Variants in PLIN3 observed in about 807,000 individuals in gnomAD.
The protein encoded by PLIN3 is perilipin 3.
In PLIN3, 30 loss-of-function variants were observed where a neutral mutation model predicts 35.9. The ratio of observed to expected loss-of-function variants is 0.84; its 90% CI spans 0.62 to 1.13. PLIN3 has a LOEUF of 1.13. Ranked by LOEUF, PLIN3 falls within the 50% of genes most tolerant of loss-of-function variation. The probability of loss-of-function intolerance (pLI) is 0.00; values close to 1 mark genes in which losing one functional copy is unlikely to be tolerated. For synonymous variants in PLIN3, 261 were observed against 262.5 expected, an observed-to-expected ratio of 0.99 and a Z score of 0.06; for missense variants, 603 against 596.9, an observed-to-expected ratio of 1.01 and a Z score of -0.11.
intron 6 of PLIN3, among the ~76,000 whole-genome samples, chr19:4,846,342 T>C: frequency 7.8e-6 from 1 of 127,604 alleles, no homozygotes; most frequent in African/African-American, 2.9e-5. Flanking sequence ...AAAATCGTCA[T>C]AAAGGTAAAT....
rs552950365 is a variant in PLIN3 at position 4,858,674 on chromosome 19, GC to G, written c.348+915del. ...TGGGATTACAGGCATGAGCCACCGC[GC>G]CTGGCCAGAATATGGTGTTTTTTTG... On this transcript the variant is annotated intron_variant, in intron 4 of 7. Transcript: ENST00000221957. Among the ~76,000 whole-genome samples, 1,201 of 145,916 alleles carry G rather than the reference GC, an allele frequency of 8.2e-3. 18 individuals carry two copies. The highest frequency in any genetic ancestry group is 0.028 in the African/African-American group (1,099 of 39,496).
chr19:4,856,424 G>A (rs1341032350), intron 4 of PLIN3, among the ~76,000 whole-genome samples: 3 of 152,014 alleles, frequency 2.0e-5, no homozygotes, highest in Non-Finnish European at 4.4e-5. Context: ...CAGGCATGGT[G>A]GTGCATGCCT....
In PLIN3 at chr19:4,844,650, C is replaced by G. The variant is rs779885481; in HGVS notation, c.960+18G>C. 3.3e-6 allele frequency: 5 copies of G among 1,511,690 alleles called. No individual in the cohort carries two copies. Among genetic ancestry groups the G allele is most frequent in the Non-Finnish European group, 4.4e-6 (5 of 1,128,736 alleles). The allele number at this position is 1,511,690 out of a possible 1,614,324, so 93.6% of individuals were successfully genotyped here. On this transcript the variant is annotated intron_variant, in intron 7 of 7. Transcript: ENST00000221957. ...ACTCCAAGTACCCTAGGCCACCCCC[C>G]AGTCCCCTCATGGGTACCTCTGGCT...
chr19:4,862,407 T>C (rs2030706780), intron 1 of PLIN3, among the ~76,000 whole-genome samples: 1 of 152,038 alleles, frequency 6.6e-6, no homozygotes, highest in Admixed American at 6.6e-5. Flanking sequence ...GCTGGGATTA[T>C]AGGTGTGAGC....
In PLIN3 at chr19:4,838,960, C is replaced by G. The variant is rs1599153878; in HGVS notation, c.*232G>C. 1 of 404,496 alleles carries G rather than the reference C, an allele frequency of 2.5e-6. No homozygotes were observed. 25.1% of individuals were successfully genotyped at this position (404,496 alleles called of 1,614,324 possible). A position where few individuals can be genotyped will look rare whatever the true frequency, so the allele number is the denominator to read the frequency against. ...AAAGATATTTTTTCTGGACATCTCT[C>G]TCTACTGACTGATAGGGTGAGGCTC... On this transcript the variant is annotated 3_prime_UTR_variant, in exon 8 of 8. Coordinates refer to ENST00000221957, the MANE Select transcript of PLIN3 (RefSeq NM_005817.5).
chr19:4,852,939 C>T (rs999446129), intron 4 of PLIN3, among the ~76,000 whole-genome samples: 6 of 151,964 alleles, frequency 3.9e-5, no homozygotes, highest in Non-Finnish European at 7.4e-5. Context: ...CTCAGCCTCC[C>T]GAGTAGCTGG....
chr19:4,847,898 GA>G lies in PLIN3; in HGVS notation c.635-9del, dbSNP rs1319488880. 1.5e-5 allele frequency: 24 copies of G among 1,609,186 alleles called. No homozygotes were observed. The highest frequency in any genetic ancestry group is 2.0e-5 in the Non-Finnish European group (24 of 1,176,972). ...GGGATGTGGCGATGCGGGCTGCAAG[GA>G]AAAGGAGAAGGGTCTCTGTGAAGAC... On this transcript the variant is annotated splice_polypyrimidine_tract_variant and intron_variant, in intron 5 of 7. Transcript: ENST00000221957.
intron 1 of PLIN3, among the ~76,000 whole-genome samples, chr19:4,865,291 C>T (rs1310727422): frequency 6.6e-6 from 1 of 151,836 alleles, no homozygotes; most frequent in Non-Finnish European, 1.5e-5. Context: ...GAGTTTGAGA[C>T]CAGCCTGACC....
chr19:4,856,426 T>C (rs886743142), intron 4 of PLIN3, among the ~76,000 whole-genome samples: 1 of 151,796 alleles, frequency 6.6e-6, no homozygotes, highest in African/African-American at 2.4e-5. Context: ...GGCATGGTGG[T>C]GCATGCCTGT....
At chr19:4,847,472 C>T (rs1162346708) in intron 6 of PLIN3, among the ~76,000 whole-genome samples, 1 of 152,066 alleles carries the variant, frequency 6.6e-6, no homozygotes, top group East Asian at 1.9e-4. Context: ...TTGAGGGACT[C>T]ACACAAAGAG....
chr19:4,839,132 A>T lies in PLIN3; in HGVS notation c.*60T>A. ...TAAGTTTGAAATGAGCCCCGGGTTG[A>T]GGACTCCAGAGCACAGCTGCATTAT... On this transcript the variant is annotated 3_prime_UTR_variant, in exon 8 of 8. Transcript: ENST00000221957. The T allele has an allele frequency of 7.4e-7, 1 of 1,344,288 alleles. No individual in the cohort carries two copies. The highest frequency in any genetic ancestry group is 1.0e-6 in the Non-Finnish European group (1 of 971,960). The allele number at this position is 1,344,288 out of a possible 1,614,324, so 83.3% of individuals were successfully genotyped here.
chr19:4,841,266 A>AT lies in PLIN3; in HGVS notation c.961-1731dup, dbSNP rs1376437259. 4.6e-5 allele frequency among the ~76,000 whole-genome samples: 7 copies of AT among 152,188 alleles called. 1 individual carries two copies. Among genetic ancestry groups the AT allele is most frequent in the Admixed American group, 2.6e-4 (4 of 15,248 alleles). ...GAATGTGATCCACCCATACAACAGA[A>AT]TGTGACTCAGCCATGGAACGTCATG... On this transcript the variant is annotated intron_variant, in intron 7 of 7. Transcript: ENST00000221957.
chr19:4,846,992 C>A (rs940035683), intron 6 of PLIN3, among the ~76,000 whole-genome samples: 2 of 150,982 alleles, frequency 1.3e-5, no homozygotes, highest in Admixed American at 1.3e-4. Flanking sequence ...CGGGTTCAAG[C>A]GATTCTCCTG....
intron 1 of PLIN3, among the ~76,000 whole-genome samples, chr19:4,864,660 G>A (rs1251730026): frequency 1.3e-5 from 2 of 152,010 alleles, no homozygotes; most frequent in Non-Finnish European, 1.5e-5. Context: ...ATGCCTGCCT[G>A]CACCGCAGAG....
intron 1 of PLIN3, chr19:4,866,877 T>G (rs2146222062): frequency 6.6e-6 from 1 of 152,576 alleles, no homozygotes; most frequent in South Asian, 2.1e-4. Flanking sequence ...GTCAGTGACC[T>G]GCCTTGCCGC....
At chr19:4,856,357 G>A (rs967545230) in intron 4 of PLIN3, among the ~76,000 whole-genome samples, 4 of 152,030 alleles carry the variant, frequency 2.6e-5, no homozygotes, top group Admixed American at 6.6e-5. Flanking sequence ...TTGGGAGTTC[G>A]AGACCAGCCT....
chr19:4,854,014 C>G (rs2030392024), intron 4 of PLIN3, among the ~76,000 whole-genome samples: 1 of 151,206 alleles, frequency 6.6e-6, no homozygotes, highest in South Asian at 2.1e-4. Context: ...CTTACTCAAG[C>G]CTTGACCTCT....
intron 7 of PLIN3, 33 bp downstream of exon 7, chr19:4,844,635 C>T (rs185136633): frequency 1.3e-6 from 2 of 1,519,062 alleles, no homozygotes; most frequent in Admixed American, 2.1e-5. Context: ...ACTCCAAGTA[C>T]CCTAGGCCAC....
At chr19:4,843,869 A>G (rs2029992991) in intron 7 of PLIN3, among the ~76,000 whole-genome samples, 1 of 152,194 alleles carries the variant, frequency 6.6e-6, no homozygotes, top group Non-Finnish European at 1.5e-5. Flanking sequence ...AAAAATTGAT[A>G]TATAATCCAC....
Sources: gnomAD v4.1 joint callset for allele counts (sites outside exome capture counted in the v4.1 genomes callset) on GRCh38, gnomAD v4.1.1 for gene constraint, MANE v1.5 for transcripts, NCBI Gene and HGNC (gene_info 2026-07-23, HGNC 2026-07-21) for gene names.